ZNG1B: variants seen among roughly 807,000 people sequenced by gnomAD.
ZNG1B encodes Zn regulated GTPase metalloprotein activator 1B.
chr2:113,471,894 T>C, the ZNG1B span, among the ~76,000 whole-genome samples: 1 of 151,988 alleles, frequency 6.6e-6, no homozygotes, highest in Non-Finnish European at 1.5e-5. Flanking sequence ...GTTGGACATT[T>C]GGGTTGGTTC....
chr2:113,481,469 AC>A, the ZNG1B span: 2 of 152,234 alleles, frequency 1.3e-5, no homozygotes, highest in Non-Finnish European at 2.9e-5. Context: ...TTACTAATTT[AC>A]CCCTCACTCT....
chr2:113,486,640 C>T, the ZNG1B span, among the ~76,000 whole-genome samples: 1 of 152,238 alleles, frequency 6.6e-6, no homozygotes, highest in African/African-American at 2.4e-5. Flanking sequence ...CCTGTAATCC[C>T]AGCTACTCGA....
the ZNG1B span, among the ~76,000 whole-genome samples, chr2:113,472,240 G>T: frequency 6.6e-6 from 1 of 152,014 alleles, no homozygotes; most frequent in Admixed American, 6.5e-5. Context: ...GCCAGTGATG[G>T]TGAGCATTTT....
chr2:113,441,140 T>G, the ZNG1B span, among the ~76,000 whole-genome samples: 5 of 152,190 alleles, frequency 3.3e-5, no homozygotes, highest in African/African-American at 7.2e-5. Context: ...GTAGGAGTGT[T>G]TGTAAATATT....
the ZNG1B span, among the ~76,000 whole-genome samples, chr2:113,487,255 T>C: frequency 1.3e-5 from 2 of 152,034 alleles, no homozygotes; most frequent in African/African-American, 4.8e-5. Flanking sequence ...ACAGCATAGC[T>C]TAGGTGTGTA....
At chr2:113,461,242 T>C in the ZNG1B span, among the ~76,000 whole-genome samples, 1 of 151,174 alleles carries the variant, frequency 6.6e-6, no homozygotes, top group Non-Finnish European at 1.5e-5. Context: ...AATTTTTTTA[T>C]TTTTATTTTT....
chr2:113,488,616 AG>A, the ZNG1B span, among the ~76,000 whole-genome samples: 1 of 148,552 alleles, frequency 6.7e-6, no homozygotes, highest in Non-Finnish European at 1.5e-5. Flanking sequence ...AAAAAAAAAA[AG>A]ATACAAGAAG....
the ZNG1B span, chr2:113,460,807 T>G: frequency 3.8e-6 from 6 of 1,561,330 alleles, 1 homozygote; most frequent in South Asian, 7.0e-5. Context: ...ACTAAGAAAT[T>G]TTAAAACATA....
the ZNG1B span, chr2:113,445,065 G>C: frequency 6.2e-7 from 1 of 1,607,500 alleles, no homozygotes; most frequent in Admixed American, 1.7e-5. Context: ...GGTAAGAAGT[G>C]AGGTTGTTAA....
At chr2:113,476,699 G>A in the ZNG1B span, among the ~76,000 whole-genome samples, 15 of 151,790 alleles carry the variant, frequency 9.9e-5, no homozygotes, top group Middle Eastern at 0.014. Flanking sequence ...GGTTTTTGGT[G>A]TGGATGTCCT....
chr2:113,460,824 G>A, the ZNG1B span: 12 of 1,535,690 alleles, frequency 7.8e-6, no homozygotes, highest in Admixed American at 3.8e-5. Context: ...CATAGTCAAC[G>A]AAAATTTATT....
At chr2:113,451,072 C>T in the ZNG1B span, among the ~76,000 whole-genome samples, 118 of 152,336 alleles carry the variant, frequency 7.7e-4, no homozygotes, top group Non-Finnish European at 1.4e-3. Flanking sequence ...GTGACCTGAC[C>T]TTCTCCTTCC....
At chr2:113,461,043 A>ATATG in the ZNG1B span, among the ~76,000 whole-genome samples, 2 of 146,992 alleles carry the variant, frequency 1.4e-5, no homozygotes, top group African/African-American at 4.9e-5. Context: ...ATATATATAT[A>ATATG]TGTATAATAA....
the ZNG1B span, among the ~76,000 whole-genome samples, chr2:113,459,891 G>T: frequency 7.2e-6 from 1 of 138,386 alleles, no homozygotes; most frequent in South Asian, 2.4e-4. Context: ...ATGTAAACAG[G>T]ATTATGAGGG....
chr2:113,437,985 C>T, the ZNG1B span: 3 of 1,611,938 alleles, frequency 1.9e-6, no homozygotes, highest in Non-Finnish European at 2.5e-6. Context: ...CTGGCCTCGG[C>T]GCCAAGATCC....
At chr2:113,457,199 G>A in the ZNG1B span, 1 of 452,538 alleles carries the variant, frequency 2.2e-6, no homozygotes, top group African/African-American at 2.0e-5. Context: ...AAGTTACCCA[G>A]AGAAGGTCAA....
the ZNG1B span, chr2:113,445,541 T>C: frequency 6.4e-6 from 1 of 155,318 alleles, no homozygotes. Flanking sequence ...CCTAATACAA[T>C]GTAAGTGCTG....
chr2:113,476,563 G>A, the ZNG1B span, among the ~76,000 whole-genome samples: 2 of 148,082 alleles, frequency 1.4e-5, no homozygotes, highest in African/African-American at 2.6e-5. Context: ...GAGGAGAGGC[G>A]CTGCGTTCCT....
the ZNG1B span, among the ~76,000 whole-genome samples, chr2:113,489,372 G>A: frequency 2.0e-5 from 3 of 152,226 alleles, no homozygotes; most frequent in Admixed American, 6.5e-5. Flanking sequence ...ACAAATCCTG[G>A]AAACATAGCA....
Sources: allele counts gnomAD v4.1 joint callset (sites outside exome capture counted in the v4.1 genomes callset), GRCh38; gene constraint gnomAD v4.1.1; transcripts MANE v1.5; gene names NCBI Gene and HGNC (gene_info 2026-07-23, HGNC 2026-07-21).